Variants in GPC5 observed in about 807,000 individuals in gnomAD.
GPC5 encodes the protein glypican-5.
GPC5 carries 47 observed loss-of-function variants against 53.9 expected under a neutral mutation model. That is an observed-to-expected ratio of 0.87 (90% CI 0.69 to 1.11). The LOEUF (loss-of-function observed/expected upper bound fraction) is 1.11. Among genes scored for constraint, GPC5 ranks in the 50% most tolerant of loss-of-function variants. The pLI, the probability that GPC5 is intolerant of heterozygous loss-of-function variation, is 0.00. For synonymous variants in GPC5, 286 were observed against 263.3 expected (o/e 1.09, Z -0.84); for missense variants, 748 against 713.1 (o/e 1.05, Z -0.56).
intron 6 of GPC5, among the ~76,000 whole-genome samples, chr13:91,937,785 G>A (rs1041905694): frequency 2.6e-5 from 4 of 152,030 alleles, no homozygotes; most frequent in African/African-American, 9.7e-5. Flanking sequence ...ATAAACCTTA[G>A]GGTGTAAAAT....
intron 7 of GPC5, among the ~76,000 whole-genome samples, chr13:92,438,529 A>C (rs1877416775): frequency 6.6e-6 from 1 of 151,936 alleles, no homozygotes; most frequent in African/African-American, 2.4e-5. Context: ...CAATGGGAAA[A>C]CCTTTAAAGC....
intron 5 of GPC5, among the ~76,000 whole-genome samples, chr13:91,793,332 C>T (rs541228571): frequency 8.5e-5 from 13 of 152,198 alleles, no homozygotes; most frequent in Admixed American, 2.0e-4. Flanking sequence ...CTGCCCATTC[C>T]GGGTCCCTCC....
At chr13:91,957,350 A>G (rs1363799845) in intron 6 of GPC5, among the ~76,000 whole-genome samples, 1 of 152,156 alleles carries the variant, frequency 6.6e-6, no homozygotes, top group Non-Finnish European at 1.5e-5. Context: ...CCAAATATTC[A>G]CATTTTAGGT....
rs559684606 is a variant in GPC5, at chr13:92,261,094, T to C, written c.1561+116105T>C. On this transcript the variant is annotated intron_variant, in intron 7 of 7. Transcript: ENST00000377067. ...ACATTATAACCATGTTGTAAGCATCTTTCTTATTTAAAATTAGAAAGTCAT... is the reference window on the plus strand; with the variant it reads ...ACATTATAACCATGTTGTAAGCATCCTTCTTATTTAAAATTAGAAAGTCAT... Among the ~76,000 whole-genome samples the C allele has an allele frequency of 7.2e-5, 11 of 152,320 alleles. No homozygotes were observed. The East Asian group carries it at 1.9e-3, about 27-fold the overall frequency.
chr13:92,478,476 G>A (rs1879231136), intron 7 of GPC5, among the ~76,000 whole-genome samples: 1 of 152,110 alleles, frequency 6.6e-6, no homozygotes, highest in South Asian at 2.1e-4. Context: ...AAGAGAGCCT[G>A]CCATCACAGC....
intron 2 of GPC5, among the ~76,000 whole-genome samples, chr13:91,643,314 T>C (rs976591059): frequency 2.0e-5 from 3 of 152,128 alleles, no homozygotes; most frequent in East Asian, 3.9e-4. Context: ...TTCTGTAAGA[T>C]AGAAGATGTA....
intron 3 of GPC5, among the ~76,000 whole-genome samples, chr13:91,701,079 A>T (rs1305768774): frequency 6.6e-6 from 1 of 152,122 alleles, no homozygotes; most frequent in East Asian, 1.9e-4. Flanking sequence ...TTTATTTTTC[A>T]TTTAACTACC....
At chr13:92,614,903 A>G (rs1174666928) in intron 7 of GPC5, among the ~76,000 whole-genome samples, 2 of 152,236 alleles carry the variant, frequency 1.3e-5, no homozygotes, top group Non-Finnish European at 2.9e-5. Flanking sequence ...CTTTTACAAA[A>G]TAGTGTTAAC....
rs76068198 is a variant in GPC5, at chr13:92,346,637, C to A, written c.1561+201648C>A. On this transcript the variant is annotated intron_variant, in intron 7 of 7. Transcript: ENST00000377067. ...ATTCACAGAAAACAATGCAAGCACACAAGGATTATGAAGAATTAGGGAATC... is the reference window on the plus strand; with the variant it reads ...ATTCACAGAAAACAATGCAAGCACAAAAGGATTATGAAGAATTAGGGAATC... 8.8e-3 allele frequency among the ~76,000 whole-genome samples: 1,346 copies of A among 152,166 alleles called. 21 individuals carry two copies. The highest frequency in any genetic ancestry group is 0.031 in the African/African-American group (1,280 of 41,490).
intron 6 of GPC5, among the ~76,000 whole-genome samples, chr13:91,957,472 G>A (rs570670777): frequency 3.7e-4 from 56 of 152,176 alleles, no homozygotes; most frequent in African/African-American, 1.2e-3. Flanking sequence ...CAGGAAGCTC[G>A]GAGATCCCCA....
intron 4 of GPC5, among the ~76,000 whole-genome samples, chr13:91,738,730 C>G (rs2036866061): frequency 6.6e-6 from 1 of 151,232 alleles, no homozygotes; most frequent in South Asian, 2.1e-4. Flanking sequence ...TTTTTACTGT[C>G]TAAATTGTAA....
At position 92,654,618 on chromosome 13, in the gene GPC5, C is replaced by T. The variant is rs183270111; in HGVS notation, c.1562-211664C>T. On this transcript the variant is annotated intron_variant, in intron 7 of 7. Transcript: ENST00000377067. ...TTAATTAGCTGTTAAACCTTTATTA[C>T]GATTTTGGATTTTGTCACTTTTTTG... Among the ~76,000 whole-genome samples the T allele has an allele frequency of 1.9e-3, 283 of 152,092 alleles. 2 individuals carry two copies. The highest frequency in any genetic ancestry group is 5.6e-3 in the African/African-American group (233 of 41,494).
intron 6 of GPC5, among the ~76,000 whole-genome samples, chr13:92,035,704 T>A (rs1487832178): frequency 1.3e-5 from 2 of 151,214 alleles, no homozygotes; most frequent in Admixed American, 6.6e-5. Context: ...CTTCAAAAAA[T>A]TTCTTAAAAT....
At chr13:91,858,026 T>A (rs1329080290) in intron 5 of GPC5, among the ~76,000 whole-genome samples, 1 of 151,714 alleles carries the variant, frequency 6.6e-6, no homozygotes, top group African/African-American at 2.4e-5. Context: ...AATATATATT[T>A]TTAAATTTTG....
intron 3 of GPC5, among the ~76,000 whole-genome samples, chr13:91,720,469 TCTC>T (rs1479384494): frequency 6.6e-6 from 1 of 152,110 alleles, no homozygotes; most frequent in African/African-American, 2.4e-5. Flanking sequence ...TTGCCTTACT[TCTC>T]CTTGAGCTTC....
At chr13:92,468,237 C>T (rs1219029322) in intron 7 of GPC5, among the ~76,000 whole-genome samples, 1 of 152,046 alleles carries the variant, frequency 6.6e-6, no homozygotes, top group East Asian at 1.9e-4. Context: ...TAATACAAAG[C>T]TATTGCTTCC....
intron 7 of GPC5, among the ~76,000 whole-genome samples, chr13:92,705,007 G>A (rs1887902955): frequency 6.6e-6 from 1 of 151,310 alleles, no homozygotes; most frequent in Non-Finnish European, 1.5e-5. Context: ...TAGGGTCTTT[G>A]TTAAGAACAG....
intron 5 of GPC5, among the ~76,000 whole-genome samples, chr13:91,843,911 C>G (rs979855410): frequency 7.2e-5 from 11 of 152,120 alleles, no homozygotes; most frequent in Non-Finnish European, 1.6e-4. Flanking sequence ...GAACACCAAG[C>G]CTTCAAGGTT....
At chr13:92,355,950 C>A (rs139222269) in intron 7 of GPC5, among the ~76,000 whole-genome samples, 1 of 145,862 alleles carries the variant, frequency 6.9e-6, no homozygotes, top group Non-Finnish European at 1.5e-5. Flanking sequence ...AGACTCACAT[C>A]GTCTCTTTAT....
Sources: gnomAD v4.1 joint callset for allele counts (sites outside exome capture counted in the v4.1 genomes callset) on GRCh38, gnomAD v4.1.1 for gene constraint, MANE v1.5 for transcripts, NCBI Gene and HGNC (gene_info 2026-07-23, HGNC 2026-07-21) for gene names.